PDE4B: variants seen among roughly 807,000 people sequenced by gnomAD.
PDE4B encodes the protein phosphodiesterase 4B.
A neutral mutation model predicts 82.2 loss-of-function variants in PDE4B; 20 were observed. The ratio of observed to expected loss-of-function variants is 0.24; its 90% confidence interval spans 0.17 to 0.35. The LOEUF is 0.35. PDE4B is among the 10% of genes least tolerant of loss of function. The probability of loss-of-function intolerance (pLI) is 1.00; values close to 1 mark genes in which losing one functional copy is unlikely to be tolerated. For missense variants in PDE4B, 655 were observed against 907.2 expected (o/e 0.72, Z 3.57); for synonymous variants, 320 against 318.9 (o/e 1.00, Z -0.04).
At chr1:65,932,365 G>C (rs1447629194) in intron 3 of PDE4B, among the ~76,000 whole-genome samples, 3 of 152,054 alleles carry the variant, frequency 2.0e-5, no homozygotes, top group African/African-American at 4.8e-5. Context: ...ACTTCTATTG[G>C]AACACTGATT....
At chr1:65,994,642 T>C (rs1364905213) in intron 3 of PDE4B, among the ~76,000 whole-genome samples, 1 of 152,124 alleles carries the variant, frequency 6.6e-6, no homozygotes, top group Non-Finnish European at 1.5e-5. Context: ...AGGGAAGATA[T>C]TAGTTATGAA....
chr1:66,097,463 T>C (rs1645139301), intron 3 of PDE4B, among the ~76,000 whole-genome samples: 1 of 152,144 alleles, frequency 6.6e-6, no homozygotes, highest in Admixed American at 6.6e-5. Context: ...ATTTGTCTTC[T>C]AATTGAGTTG....
rs570178230 is a variant in PDE4B, at chr1:66,052,689, T to G, written c.281+133854T>G. Among the ~76,000 whole-genome samples the G allele has an allele frequency of 4.0e-5, 6 of 151,744 alleles. No homozygotes were observed. The South Asian group carries it at 1.3e-3, about 32-fold the overall frequency. On this transcript the variant is annotated intron_variant, in intron 3 of 16. Transcript: ENST00000341517. The stretch of plus-strand genomic sequence containing the variant: ...ATCCTTTCCGAGAAATGATTAGGAG[T>G]GTGATGTGTGTAGGGTGGTATAGAG...
At chr1:66,273,327 CA>C (rs1202074862) in intron 7 of PDE4B, among the ~76,000 whole-genome samples, 1 of 152,192 alleles carries the variant, frequency 6.6e-6, no homozygotes, top group Non-Finnish European at 1.5e-5. Flanking sequence ...GCCTTTTCTC[CA>C]AAATATCATT....
intron 3 of PDE4B, among the ~76,000 whole-genome samples, chr1:66,222,276 T>G (rs1173023149): frequency 2.0e-5 from 3 of 152,242 alleles, no homozygotes; most frequent in African/African-American, 7.2e-5. Context: ...TATATTTCAT[T>G]GGCCAGGACT....
chr1:66,222,253 A>G (rs1033909003), intron 3 of PDE4B, among the ~76,000 whole-genome samples: 1 of 152,218 alleles, frequency 6.6e-6, no homozygotes, highest in African/African-American at 2.4e-5. Flanking sequence ...GTTTCTTCCC[A>G]ACAACTTCTG....
chr1:65,956,004 A>T (rs1649238320), intron 3 of PDE4B, among the ~76,000 whole-genome samples: 1 of 152,190 alleles, frequency 6.6e-6, no homozygotes, highest in African/African-American at 2.4e-5. Context: ...AGTCACATAA[A>T]TTCATCTTTA....
chr1:65,895,472 C>T (rs1034901237), intron 1 of PDE4B, among the ~76,000 whole-genome samples: 1 of 149,432 alleles, frequency 6.7e-6, no homozygotes, highest in African/African-American at 2.5e-5. Flanking sequence ...ATCGCTTGAA[C>T]CCGGGTTGCA....
chr1:65,918,911 A>G, intron 3 of PDE4B, 76 bp downstream of exon 3: 1 of 900,832 alleles, frequency 1.1e-6, no homozygotes, highest in Non-Finnish European at 1.8e-6. Context: ...TCATAGTATT[A>G]AAATGTGAGT....
In PDE4B at chr1:65,841,621, A is replaced by G. The variant is rs145267611; in HGVS notation, c.-71+48373A>G. Among the ~76,000 whole-genome samples the G allele has an allele frequency of 4.5e-3, 678 of 152,284 alleles. 6 individuals carry two copies. The highest frequency in any genetic ancestry group is 7.6e-3 in the Non-Finnish European group (520 of 68,032). ...TGAATTACTTAGAATGGTATGCAAA[A>G]TGATTTAAATATGTTTGAAAATATG... is the stretch of plus-strand genomic sequence containing the variant. On this transcript the variant is annotated intron_variant, in intron 1 of 16. Transcript: ENST00000341517.
chr1:65,914,013 A>T (rs1647127593), intron 2 of PDE4B, among the ~76,000 whole-genome samples: 1 of 152,124 alleles, frequency 6.6e-6, no homozygotes, highest in Admixed American at 6.5e-5. Flanking sequence ...GTCCTTAATT[A>T]TCTCTTTGCT....
At chr1:66,093,527 G>A (rs980307239) in intron 3 of PDE4B, among the ~76,000 whole-genome samples, 7 of 151,836 alleles carry the variant, frequency 4.6e-5, no homozygotes, top group African/African-American at 7.3e-5. Context: ...AGTAACTTGG[G>A]TCAGAGTCTT....
At chr1:66,340,543 A>G (rs943109673) in intron 8 of PDE4B, among the ~76,000 whole-genome samples, 1 of 152,192 alleles carries the variant, frequency 6.6e-6, no homozygotes, top group Admixed American at 6.5e-5. Context: ...AATAAAATGT[A>G]TCTTCATGGC....
At chr1:66,020,866 T>C (rs1653063703) in intron 3 of PDE4B, among the ~76,000 whole-genome samples, 1 of 152,218 alleles carries the variant, frequency 6.6e-6, no homozygotes, top group Non-Finnish European at 1.5e-5. Flanking sequence ...GTATTTCTAG[T>C]TCTAGATCCT....
chr1:66,098,714 T>A (rs182585729), intron 3 of PDE4B, among the ~76,000 whole-genome samples: 3 of 152,254 alleles, frequency 2.0e-5, no homozygotes, highest in African/African-American at 7.2e-5. Context: ...ATAATGGGCG[T>A]ACCTGTTGCT....
intron 3 of PDE4B, among the ~76,000 whole-genome samples, chr1:66,103,463 T>C (rs947005959): frequency 6.6e-6 from 1 of 151,976 alleles, no homozygotes; most frequent in African/African-American, 2.4e-5. Context: ...GGTCTTAGAG[T>C]TTCTCTTTTA....
intron 1 of PDE4B, among the ~76,000 whole-genome samples, chr1:65,825,117 A>G (rs1234974480): frequency 6.6e-6 from 1 of 152,214 alleles, no homozygotes; most frequent in Non-Finnish European, 1.5e-5. Flanking sequence ...AGCCAGATAC[A>G]TACATGTGAC....
At chr1:66,315,140 C>A (rs1016818419) in intron 7 of PDE4B, among the ~76,000 whole-genome samples, 1 of 152,240 alleles carries the variant, frequency 6.6e-6, no homozygotes, top group East Asian at 1.9e-4. Flanking sequence ...ACAAATCTAT[C>A]TCACAAGGTT....
intron 1 of PDE4B, among the ~76,000 whole-genome samples, chr1:65,878,081 A>G (rs1048494643): frequency 6.6e-6 from 1 of 152,224 alleles, no homozygotes; most frequent in Non-Finnish European, 1.5e-5. Context: ...AAGGATATGA[A>G]CAGACATTTA....
Sources: allele counts gnomAD v4.1 joint callset (sites outside exome capture counted in the v4.1 genomes callset), GRCh38; gene constraint gnomAD v4.1.1; transcripts MANE v1.5; gene names NCBI Gene and HGNC (gene_info 2026-07-23, HGNC 2026-07-21).